ITPK1: variants seen among roughly 807,000 people sequenced by gnomAD.
ITPK1 encodes inositol-tetrakisphosphate 1-kinase.
In ITPK1, 21 loss-of-function variants were observed where a neutral mutation model predicts 45.3. That is an observed-to-expected ratio of 0.46 (90% confidence interval 0.33 to 0.67). The LOEUF (loss-of-function observed/expected upper bound fraction) is 0.67, where lower values mean the gene tolerates loss of function less well. ITPK1 is among the 30% of genes least tolerant of loss of function. The pLI, the probability that ITPK1 is intolerant of heterozygous loss-of-function variation, is 0.02. For missense variants in ITPK1, 474 were observed against 573.5 expected, an observed-to-expected ratio of 0.83 and a Z score of 1.77; for synonymous variants, 258 against 253.6, an observed-to-expected ratio of 1.02 and a Z score of -0.16.
intron 2 of ITPK1, among the ~76,000 whole-genome samples, chr14:93,110,973 C>T (rs1419921495): frequency 1.3e-5 from 2 of 152,140 alleles, no homozygotes; most frequent in Non-Finnish European, 2.9e-5. Flanking sequence ...GCCTCTGTTT[C>T]CTCATCCCTC....
At chr14:92,975,535 C>T (rs148924862) in intron 5 of ITPK1, among the ~76,000 whole-genome samples, 20 of 152,314 alleles carry the variant, frequency 1.3e-4, no homozygotes, top group African/African-American at 4.8e-4. Context: ...TTGACTGGGC[C>T]ACAGGGTTCC....
rs889580600 is a variant in ITPK1, at chr14:93,115,144, C to T, written c.20G>A (p.Gly7Glu). Reference protein sequence around the residue: MQTFLKGKRVGYWLSEK... With the variant: MQTFLKEKRVGYWLSEK... ...GCTCAGCCAGTAGCCAACTCTCTTC[C>T]CTTTCAGAAAGGTCTGCATCTTCCT... The change falls in exon 2 of 11, where the codon GGG becomes GAG. Residue 7 changes from glycine to glutamate, a missense_variant. Physicochemically the swap from Gly to Glu is moderately conservative, Grantham distance 98. Around this residue, in one of 2 missense-constraint regions of ITPK1, gnomAD observed 367 missense variants for 480.6 expected, o/e 0.76. Transcript: ENST00000267615. The T allele has an allele frequency of 2.5e-6, 4 of 1,600,786 alleles. No individual in the cohort carries two copies. The highest frequency in any genetic ancestry group is 1.1e-5 in the South Asian group (1 of 89,530).
Position 93,098,412 on chromosome 14 carries a change from A to C in ITPK1, c.95+16657T>G, listed in dbSNP as rs111782746. Among the ~76,000 whole-genome samples the C allele has an allele frequency of 3.9e-3, 586 of 150,922 alleles. 2 individuals are homozygous for C. Among genetic ancestry groups the C allele is most frequent in the Non-Finnish European group, 7.2e-3 (487 of 67,458 alleles). ...GCGGAGCTTGTAGTGAGCCGAGATC[A>C]CGCTGCCGCACTCCAACCTGGGCGA... On this transcript the variant is annotated intron_variant, in intron 2 of 10. Coordinates refer to ENST00000267615, the MANE Select transcript of ITPK1 (RefSeq NM_014216.6).
At chr14:92,972,325 G>C (rs1375467762) in intron 5 of ITPK1, among the ~76,000 whole-genome samples, 1 of 152,158 alleles carries the variant, frequency 6.6e-6, no homozygotes, top group African/African-American at 2.4e-5. Context: ...GAAGTCAGTA[G>C]AGTGGGTCCT....
intron 2 of ITPK1, among the ~76,000 whole-genome samples, chr14:93,098,482 G>T (rs1892179592): frequency 6.6e-6 from 1 of 151,442 alleles, no homozygotes; most frequent in South Asian, 2.1e-4. Flanking sequence ...ACAAAAATTA[G>T]CCGGGCGTGG....
intron 9 of ITPK1, among the ~76,000 whole-genome samples, chr14:92,947,518 G>C (rs1255632713): frequency 6.6e-6 from 1 of 152,268 alleles, no homozygotes; most frequent in Non-Finnish European, 1.5e-5. Flanking sequence ...TGAACTCCTA[G>C]CTCTGTGGAC....
chr14:92,966,018 T>C (rs560105409), intron 5 of ITPK1, among the ~76,000 whole-genome samples: 1 of 152,176 alleles, frequency 6.6e-6, no homozygotes, highest in Non-Finnish European at 1.5e-5. Context: ...AAAGAGAAAA[T>C]TATGTATGTG....
intron 5 of ITPK1, among the ~76,000 whole-genome samples, chr14:92,970,123 AAAC>A (rs2139759366): frequency 6.6e-6 from 1 of 152,310 alleles, no homozygotes; most frequent in East Asian, 1.9e-4. Flanking sequence ...ACTTACAAGA[AAAC>A]AAAAGTTCAG....
intron 3 of ITPK1, among the ~76,000 whole-genome samples, chr14:93,074,400 A>AT (rs1394426691): frequency 6.6e-6 from 1 of 152,190 alleles, no homozygotes; most frequent in African/African-American, 2.4e-5. Flanking sequence ...TCTTCCCAGA[A>AT]TGCCACATAA....
In ITPK1 at chr14:92,981,845, G is replaced by T. The variant is rs78766487; in HGVS notation, c.364+12035C>A. Reference sequence around the variant, plus strand: ...AAGGCACTGAGGCCCACGCAGGGAAGGGAGTGTGCAGCACAGAGGGCTTCT... The same window carrying T: ...AAGGCACTGAGGCCCACGCAGGGAATGGAGTGTGCAGCACAGAGGGCTTCT... On this transcript the variant is annotated intron_variant, in intron 5 of 10. Transcript: ENST00000267615. Among the ~76,000 whole-genome samples the T allele has an allele frequency of 1.6e-4, 25 of 152,386 alleles. No homozygotes were observed. The East Asian group carries it at 4.8e-3, about 29-fold the overall frequency.
Position 92,949,652 on chromosome 14 carries a change from C to T in ITPK1, c.738+2294G>A, listed in dbSNP as rs114875345. On this transcript the variant is annotated intron_variant, in intron 9 of 10. Coordinates refer to ENST00000267615, the MANE Select transcript of ITPK1 (RefSeq NM_014216.6). ...CGCTGTGAGATTGTGGTGCCGACGA[C>T]GGGAGGAGCTGCTGCCTCAGGCTGA... 8.9e-3 allele frequency among the ~76,000 whole-genome samples: 1,360 copies of T among 152,326 alleles called. 15 individuals are homozygous for T. The highest frequency in any genetic ancestry group is 0.031 in the African/African-American group (1,275 of 41,578).
At chr14:93,092,587 A>T (rs1003671162) in intron 2 of ITPK1, among the ~76,000 whole-genome samples, 2 of 152,188 alleles carry the variant, frequency 1.3e-5, no homozygotes, top group African/African-American at 4.8e-5. Flanking sequence ...CAACGGAGCA[A>T]TTTTACCCCC....
At chr14:92,980,025 C>T (rs1566712779) in intron 5 of ITPK1, among the ~76,000 whole-genome samples, 1 of 151,832 alleles carries the variant, frequency 6.6e-6, no homozygotes. Flanking sequence ...AAACGATCCA[C>T]CCGCCTCAGC....
At chr14:93,086,123 A>G (rs2139998506) in intron 2 of ITPK1, among the ~76,000 whole-genome samples, 1 of 152,302 alleles carries the variant, frequency 6.6e-6, no homozygotes, top group Non-Finnish European at 1.5e-5. Flanking sequence ...GCAGGAAGGG[A>G]GGCAGAAATT....
chr14:92,971,660 G>T lies in ITPK1; in HGVS notation c.365-8811C>A, dbSNP rs546529892. On this transcript the variant is annotated intron_variant, in intron 5 of 10. Coordinates refer to ENST00000267615, the MANE Select transcript of ITPK1 (RefSeq NM_014216.6). ...CCAGGGAAGCCAGGGACACTGCAGG[G>T]AGGAAGCTGTCATGGCAGGGAAAGC... Among the ~76,000 whole-genome samples, 31 of 152,356 alleles carry T rather than the reference G, an allele frequency of 2.0e-4. No homozygotes were observed. In the South Asian group the frequency reaches 6.4e-3, roughly 32 times the overall value.
At chr14:93,062,140 G>A (rs986795141) in intron 3 of ITPK1, among the ~76,000 whole-genome samples, 2 of 152,140 alleles carry the variant, frequency 1.3e-5, no homozygotes, top group East Asian at 1.9e-4. Flanking sequence ...GCATGGTGGC[G>A]CGTGCCTGTA....
chr14:93,086,736 G>A (rs1891665386), intron 2 of ITPK1, among the ~76,000 whole-genome samples: 1 of 152,238 alleles, frequency 6.6e-6, no homozygotes, highest in South Asian at 2.1e-4. Flanking sequence ...AGGCTGCCAG[G>A]GCACGCTAGA....
intron 1 of ITPK1, among the ~76,000 whole-genome samples, chr14:93,115,562 C>T (rs1436005375): frequency 2.0e-5 from 3 of 149,678 alleles, no homozygotes; most frequent in African/African-American, 7.3e-5. Context: ...CCTCCGCAGA[C>T]ACCGCCCCCG....
intron 3 of ITPK1, among the ~76,000 whole-genome samples, chr14:93,057,016 A>G (rs955174686): frequency 1.3e-5 from 2 of 152,218 alleles, no homozygotes; most frequent in Non-Finnish European, 2.9e-5. Context: ...AACTGCTCAC[A>G]TCACAGGGCA....
Sources: allele counts gnomAD v4.1 joint callset (sites outside exome capture counted in the v4.1 genomes callset), GRCh38; gene constraint gnomAD v4.1.1; regional missense constraint gnomAD v4.1.1; transcripts MANE v1.5; gene names NCBI Gene and HGNC (gene_info 2026-07-23, HGNC 2026-07-21).